Variants in PDE4DIP observed in about 807,000 individuals in gnomAD.
PDE4DIP encodes the protein phosphodiesterase 4D interacting protein.
A neutral mutation model predicts 221.4 loss-of-function variants in PDE4DIP; 59 were observed. The ratio of observed to expected loss-of-function variants is 0.27; its 90% CI spans 0.22 to 0.33. The LOEUF (loss-of-function observed/expected upper bound fraction) is 0.33, where lower values mean the gene tolerates loss of function less well. Among genes scored for constraint, PDE4DIP ranks in the 10% least tolerant of loss-of-function variants. The probability of loss-of-function intolerance (pLI) is 1.00; values close to 1 mark genes in which losing one functional copy is unlikely to be tolerated. For missense variants in PDE4DIP, 1,036 were observed against 2,154.2 expected, an observed-to-expected ratio of 0.48 and a Z score of 10.28; for synonymous variants, 404 against 815.9, an observed-to-expected ratio of 0.50 and a Z score of 8.60.
At chr1:148,983,704 A>G (rs587753455) in intron 21 of PDE4DIP, 1 of 152,620 alleles carries the variant, frequency 6.6e-6, no homozygotes, top group South Asian at 2.1e-4. Context: ...TCTTTCTCAT[A>G]CTGGATTATT....
In PDE4DIP at chr1:148,968,950, C is replaced by A; in HGVS notation, c.1900C>A (p.Arg634=). 6 of 1,611,978 alleles carry A rather than the reference C, an allele frequency of 3.7e-6. No individual in the cohort carries two copies. The South Asian group carries it at 4.4e-5, about 12-fold the overall frequency. ...GATGCTGCAGGACCTTCTAAGTGAT[C>A]GAAATAAACAAGTGCTGGAACATGA... Residue 634 remains arginine (R), a synonymous_variant, in exon 14 of 44, where the codon CGA becomes AGA. Coordinates refer to ENST00000369354, the Ensembl canonical transcript of PDE4DIP.
intron 1 of PDE4DIP, among the ~76,000 whole-genome samples, chr1:148,817,872 C>T (rs2440820): frequency 3.1e-5 from 4 of 127,764 alleles, no homozygotes; most frequent in African/African-American, 6.1e-5. Context: ...GTCAATGTTA[C>T]GGTCTCAGCT....
chr1:149,010,869 T>G (rs71256681), intron 31 of PDE4DIP, among the ~76,000 whole-genome samples: 24,847 of 147,328 alleles, frequency 0.17, 2,128 homozygotes, highest in Admixed American at 0.22. Flanking sequence ...TTTCTCTCAT[T>G]TTATCCTGGG....
intron 27 of PDE4DIP, among the ~76,000 whole-genome samples, chr1:149,006,861 C>T (rs868938745): frequency 8.5e-6 from 1 of 117,086 alleles, no homozygotes; most frequent in Non-Finnish European, 1.8e-5. Flanking sequence ...CCACTATGCT[C>T]AGCTCATTTT....
intron 9 of PDE4DIP, among the ~76,000 whole-genome samples, chr1:148,962,956 G>A (rs1332542424): frequency 1.3e-5 from 2 of 152,150 alleles, no homozygotes; most frequent in Non-Finnish European, 2.9e-5. Flanking sequence ...GCAGTGGCGC[G>A]ATCTCCGCTC....
chr1:148,972,983 G>A (rs1401045425), intron 16 of PDE4DIP, among the ~76,000 whole-genome samples: 1 of 130,464 alleles, frequency 7.7e-6, no homozygotes, highest in Non-Finnish European at 1.6e-5. Flanking sequence ...TATATATAAT[G>A]TTAGCATAGT....
chr1:149,029,111 T>A (rs587602742), intron 41 of PDE4DIP, among the ~76,000 whole-genome samples: 2 of 152,314 alleles, frequency 1.3e-5, no homozygotes, highest in African/African-American at 4.8e-5. Flanking sequence ...GAATGCCCCA[T>A]GAGACTGAGC....
chr1:148,954,006 G>C (rs587608471), intron 5 of PDE4DIP: 2 of 717,440 alleles, frequency 2.8e-6, no homozygotes, highest in Admixed American at 4.9e-5. Context: ...TTCTGGACTT[G>C]AGAAAATTAG....
intron 21 of PDE4DIP, chr1:148,991,572 G>A (rs2063062008): frequency 1.0e-6 from 1 of 984,378 alleles, no homozygotes; most frequent in African/African-American, 1.7e-5. Flanking sequence ...CAGGCAGTGG[G>A]GAATAATTCA....
chr1:148,881,471 G>C (rs1415397475), intron 3 of PDE4DIP, among the ~76,000 whole-genome samples: 1 of 130,292 alleles, frequency 7.7e-6, no homozygotes, highest in Admixed American at 7.6e-5. Flanking sequence ...ATTTTCTTGG[G>C]TATATAACTA....
chr1:148,979,901 T>C, intron 20 of PDE4DIP, 52 bp downstream of exon 23: 1 of 1,583,228 alleles, frequency 6.3e-7, no homozygotes, highest in South Asian at 1.1e-5. Context: ...TTTTATTTCT[T>C]TTACTATTGT....
intron 27 of PDE4DIP, among the ~76,000 whole-genome samples, chr1:149,005,944 C>G (rs587648826): frequency 1.8e-3 from 276 of 152,066 alleles, no homozygotes; most frequent in African/African-American, 6.4e-3. Flanking sequence ...ACCAGCCTAC[C>G]CAACACGGTG....
chr1:148,956,180 C>T (rs1175939055), intron 5 of PDE4DIP, among the ~76,000 whole-genome samples: 3 of 151,858 alleles, frequency 2.0e-5, no homozygotes, highest in Non-Finnish European at 2.9e-5. Context: ...TTTGTAGAAA[C>T]ACGAAACCAT....
At chr1:148,889,154 C>G (rs1212299070), upstream of PDE4DIP, among the ~76,000 whole-genome samples, 11 of 152,162 alleles carry the variant, frequency 7.2e-5, no homozygotes, top group Admixed American at 2.0e-4. Flanking sequence ...GGATATTTGA[C>G]ATGCGGTTAC....
At chr1:148,930,367 A>T (rs1225269238) in intron 2 of PDE4DIP, 2 of 151,380 alleles carry the variant, frequency 1.3e-5, no homozygotes, top group Non-Finnish European at 1.5e-5. Context: ...AAAAAAAAAA[A>T]TTAGCCGGGT....
chr1:149,014,077 T>C (rs1322113793), intron 32 of PDE4DIP, among the ~76,000 whole-genome samples: 18 of 151,504 alleles, frequency 1.2e-4, no homozygotes, highest in Admixed American at 1.2e-3. Flanking sequence ...TATGAGCCAC[T>C]GCACCCAGCT....
rs587758394 is a variant in PDE4DIP, at chr1:148,827,356, G to T, written c.233+18619G>T. Among the ~76,000 whole-genome samples the T allele has an allele frequency of 4.9e-5, 5 of 101,642 alleles. 1 individual carries two copies. In the South Asian group the frequency reaches 2.3e-3, roughly 46 times the overall value. 66.7% of individuals were successfully genotyped at this position (101,642 alleles called of 152,430 possible). A position where few individuals can be genotyped will look rare whatever the true frequency, so the allele number is the denominator to read the frequency against. ...TGCAAGCTCTGCCTCCCGGATTCAC[G>T]CCATTCTCCTGTCTCAGCCTCCCGA... On this transcript the variant is annotated intron_variant, in intron 1 of 45. Coordinates refer to the PDE4DIP transcript ENST00000524974.
chr1:148,960,123 C>T (rs1465677543), intron 5 of PDE4DIP, among the ~76,000 whole-genome samples: 1 of 152,306 alleles, frequency 6.6e-6, no homozygotes, highest in Non-Finnish European at 1.5e-5. Flanking sequence ...AATTACAGTA[C>T]AATTATCAAA....
At chr1:148,963,748 CTTTTTTTTTTTT>C (rs66921099) in intron 9 of PDE4DIP, among the ~76,000 whole-genome samples, 77 of 89,164 alleles carry the variant, frequency 8.6e-4, no homozygotes, top group African/African-American at 3.4e-3. Flanking sequence ...TTCTTTCCTT[CTTTTTTTTTTTT>C]TTTTTTTTTT....
Sources: gnomAD v4.1 joint callset for allele counts (sites outside exome capture counted in the v4.1 genomes callset) on GRCh38, gnomAD v4.1.1 for gene constraint, MANE v1.5 for transcripts, NCBI Gene and HGNC (gene_info 2026-07-23, HGNC 2026-07-21) for gene names.